The following SAXO5 variants were observed in gnomAD, a reference collection of about 807,000 sequenced individuals.
SAXO5 encodes testis expressed 45.
chr19:7,505,486 G>T, the SAXO5 span: 1 of 1,613,714 alleles, frequency 6.2e-7, no homozygotes, highest in South Asian at 1.1e-5. Context: ...AGCCTCCCAG[G>T]GCAGCTCTGC....
the SAXO5 span, chr19:7,500,823 A>T: frequency 6.8e-7 from 1 of 1,476,028 alleles, no homozygotes; most frequent in Non-Finnish European, 9.0e-7. Flanking sequence ...GTGTCCCGCG[A>T]TGGCCACAGG....
the SAXO5 span, chr19:7,507,157 G>A: frequency 6.2e-7 from 1 of 1,608,066 alleles, no homozygotes. Context: ...GGAGGCGGAG[G>A]GGAGCCACCC....
At chr19:7,504,446 G>A in the SAXO5 span, 5 of 1,554,224 alleles carry the variant, frequency 3.2e-6, no homozygotes, top group East Asian at 1.1e-4. Flanking sequence ...GGTGGCTCAT[G>A]CCTGTAATCC....
the SAXO5 span, chr19:7,504,134 C>T: frequency 6.2e-7 from 1 of 1,613,472 alleles, no homozygotes; most frequent in Admixed American, 1.7e-5. Flanking sequence ...GCCCCAACAC[C>T]CTCAAGTGGG....
the SAXO5 span, among the ~76,000 whole-genome samples, chr19:7,499,132 T>C: frequency 6.6e-6 from 1 of 151,370 alleles, no homozygotes; most frequent in Admixed American, 6.6e-5. Context: ...ACCAATGTGG[T>C]GAAACCCCGT....
chr19:7,508,235 G>C, the SAXO5 span: 1 of 1,614,014 alleles, frequency 6.2e-7, no homozygotes, highest in Non-Finnish European at 8.5e-7. Context: ...AGCCCCCTCT[G>C]GGTGGACTGC....
the SAXO5 span, among the ~76,000 whole-genome samples, chr19:7,502,505 C>T: frequency 0.025 from 3,871 of 152,186 alleles, 139 homozygotes; most frequent in East Asian, 0.13. Context: ...CCAGCCAGCC[C>T]CAAATGTCAA....
chr19:7,498,129 C>T, the SAXO5 span, among the ~76,000 whole-genome samples: 5 of 149,984 alleles, frequency 3.3e-5, 1 homozygote, highest in Admixed American at 3.3e-4. Flanking sequence ...CAAACTTACA[C>T]ACTGAAAAAC....
the SAXO5 span, chr19:7,506,238 CA>C: frequency 1.5e-6 from 1 of 671,036 alleles, no homozygotes; most frequent in Non-Finnish European, 2.1e-6. Flanking sequence ...GCCCCGCCCC[CA>C]TGGAGCCCCT....
chr19:7,504,948 G>A, the SAXO5 span, among the ~76,000 whole-genome samples: 1 of 151,196 alleles, frequency 6.6e-6, no homozygotes, highest in Non-Finnish European at 1.5e-5. Context: ...CAAGGCCCCA[G>A]ATGGATCCAC....
At chr19:7,508,194 C>A in the SAXO5 span, 1 of 1,611,368 alleles carries the variant, frequency 6.2e-7, no homozygotes, top group Admixed American at 1.7e-5. Flanking sequence ...GCTGTCCACC[C>A]TGTCTCCACA....
the SAXO5 span, chr19:7,504,359 A>G: frequency 1.5e-3 from 2,382 of 1,614,204 alleles, 5 homozygotes; most frequent in Non-Finnish European, 1.9e-3. Context: ...CTATGGATCA[A>G]CGTGTTCGGA....
chr19:7,503,497 G>T, the SAXO5 span, among the ~76,000 whole-genome samples: 109 of 151,964 alleles, frequency 7.2e-4, no homozygotes, highest in African/African-American at 2.5e-3. Flanking sequence ...GTGTGTGTGT[G>T]TTTTTGAGAC....
chr19:7,507,061 G>A, the SAXO5 span: 2 of 1,613,872 alleles, frequency 1.2e-6, no homozygotes, highest in African/African-American at 1.3e-5. Flanking sequence ...TCCAGAATTC[G>A]ATTTTTTAAC....
chr19:7,503,612 G>A, the SAXO5 span, among the ~76,000 whole-genome samples: 1 of 151,960 alleles, frequency 6.6e-6, no homozygotes, highest in Non-Finnish European at 1.5e-5. Flanking sequence ...AGTCTCCTGA[G>A]TAGCTGGGAC....
chr19:7,498,397 T>TC, the SAXO5 span, among the ~76,000 whole-genome samples: 42 of 91,228 alleles, frequency 4.6e-4, no homozygotes, highest in South Asian at 7.6e-4. Flanking sequence ...TTTTTTCTTT[T>TC]TTTTTTTTTT....
At chr19:7,499,793 C>T in the SAXO5 span, 1 of 152,082 alleles carries the variant, frequency 6.6e-6, no homozygotes, top group African/African-American at 2.4e-5. Context: ...GCAACATAGC[C>T]AGACCCCTGT....
the SAXO5 span, chr19:7,505,576 T>TGCCCCG: frequency 1.2e-6 from 2 of 1,614,012 alleles, no homozygotes; most frequent in African/African-American, 2.7e-5. Flanking sequence ...AGGAAATTGG[T>TGCCCCG]GCCCCGGCCC....
At chr19:7,505,959 T>C in the SAXO5 span, 2 of 1,574,448 alleles carry the variant, frequency 1.3e-6, no homozygotes, top group Non-Finnish European at 1.7e-6. Flanking sequence ...CATGTGGTCC[T>C]ACAGCCGCCA....
Sources: allele counts gnomAD v4.1 joint callset (sites outside exome capture counted in the v4.1 genomes callset), GRCh38; gene constraint gnomAD v4.1.1; transcripts MANE v1.5; gene names NCBI Gene and HGNC (gene_info 2026-07-23, HGNC 2026-07-21).